The following PNPLA7 variants were observed in gnomAD, a reference collection of about 807,000 sequenced individuals.
The protein encoded by PNPLA7 is patatin like domain 7, lysophospholipase, also known as patatin-like phospholipase domain-containing protein 7.
A neutral mutation model predicts 161.7 loss-of-function variants in PNPLA7; 153 were observed. The ratio of observed to expected loss-of-function variants is 0.95; its 90% CI spans 0.83 to 1.08. PNPLA7 has a LOEUF of 1.08. PNPLA7 is among the 50% of genes least tolerant of loss of function. The pLI is 0.00. For missense variants in PNPLA7, 1,739 were observed against 1,856.6 expected, an observed-to-expected ratio of 0.94 and a Z score of 1.16; for synonymous variants, 809 against 782.1, an observed-to-expected ratio of 1.03 and a Z score of -0.57.
intron 18 of PNPLA7, among the ~76,000 whole-genome samples, chr9:137,496,163 G>A (rs10867091): frequency 0.44 from 65,050 of 146,358 alleles, 15,621 homozygotes; most frequent in East Asian, 0.64. Context: ...TTGAGATAGA[G>A]TTTAGCTCTT....
At chr9:137,502,971 A>T (rs1469936568) in intron 14 of PNPLA7, among the ~76,000 whole-genome samples, 1 of 151,896 alleles carries the variant, frequency 6.6e-6, no homozygotes, top group Admixed American at 6.6e-5. Context: ...TGCAGAGAAA[A>T]CAAGGTGGGC....
chr9:137,460,032 C>G lies in PNPLA7; in HGVS notation c.*361G>C. The G allele has an allele frequency of 4.1e-6, 1 of 246,140 alleles. No individual in the cohort carries two copies. Among genetic ancestry groups the G allele is most frequent in the Non-Finnish European group, 8.3e-6 (1 of 120,978 alleles). The allele number at this position is 246,140 out of a possible 1,614,324, so 15.2% of individuals were successfully genotyped here. A position where few individuals can be genotyped will look rare whatever the true frequency, so the allele number is the denominator to read the frequency against. On this transcript the variant is annotated 3_prime_UTR_variant, in exon 35 of 35. Transcript: ENST00000406427. ...ACCTCACAGGGCAGCAGGCAGTTCA[C>G]AGGACAGCAGGCAGTTCACAGGGCT... is the stretch of plus-strand genomic sequence containing the variant.
Position 137,480,357 on chromosome 9 carries a change from G to T in PNPLA7, c.2535C>A (p.Cys845Ter). The T allele has an allele frequency of 1.2e-6, 2 of 1,613,480 alleles. No individual in the cohort carries two copies. Among genetic ancestry groups the T allele is most frequent in the Non-Finnish European group, 1.7e-6 (2 of 1,179,968 alleles). Reference sequence around the variant, plus strand: ...GGTCACCCAGGCCCACGATGAGGATGCAGTCGGCCTGGCGCACGCAGCGCT... The same window carrying T: ...GGTCACCCAGGCCCACGATGAGGATTCAGTCGGCCTGGCGCACGCAGCGCT... ...WTQRCVRQAD[C>*]ILIVGLGDQE... The change falls in exon 23 of 35, where the codon TGC becomes TGA. Residue 845 changes from cysteine (C) to a stop codon, truncating the protein, a stop_gained. Transcript: ENST00000406427. LOFTEE classifies it high-confidence loss of function.
intron 21 of PNPLA7, among the ~76,000 whole-genome samples, chr9:137,483,486 G>C (rs180759809): frequency 6.6e-6 from 1 of 152,152 alleles, no homozygotes; most frequent in East Asian, 1.9e-4. Flanking sequence ...ATAGAGTCTT[G>C]CTCTGTCACC....
In PNPLA7 at chr9:137,467,208, G is replaced by A; in HGVS notation, c.3039+109C>T. On this transcript the variant is annotated intron_variant, in intron 26 of 34. Transcript: ENST00000406427. The surrounding 1 kb of genome is among the most constrained non-coding windows in gnomAD (Gnocchi z 5.1). ...AGGCTTCAGGGGGTAGCCTCCTCGA[G>A]GGCAGGGCCCTGCAGAGCCACATGC... The A allele has an allele frequency of 1.1e-5, 16 of 1,413,978 alleles. No homozygotes were observed. In the South Asian group the frequency reaches 2.0e-4, roughly 18 times the overall value. 87.6% of individuals were successfully genotyped at this position (1,413,978 alleles called of 1,614,324 possible).
chr9:137,520,028 G>A lies in PNPLA7; in HGVS notation c.973C>T (p.Pro325Ser), dbSNP rs2132473133. Reference sequence around the variant, plus strand: ...GCCACACTGGCTACAGACACGAGAGGGATGGCCTGGCTCTCCTGGGACACA... The same window carrying A: ...GCCACACTGGCTACAGACACGAGAGAGATGGCCTGGCTCTCCTGGGACACA... ...ELFNAESQAI[P>S]LVSVASVAAG... Residue 325 changes from proline (P) to serine (S), a missense_variant, in exon 11 of 35, where the codon CCT becomes TCT. By Grantham distance (74) the Pro-to-Ser change is moderately conservative (BLOSUM62 -1). This residue lies in a region of PNPLA7 where 152 missense variants were observed against 193.5 expected (regional missense o/e 0.79). Coordinates refer to ENST00000406427, the MANE Select transcript of PNPLA7 (RefSeq NM_001098537.3). The surrounding 1 kb of genome is among the most constrained non-coding windows in gnomAD (Gnocchi z 5.2). The A allele has an allele frequency of 6.2e-7, 1 of 1,612,492 alleles. No homozygotes were observed. The highest frequency in any genetic ancestry group is 2.2e-5 in the East Asian group (1 of 44,888).
At position 137,490,773 on chromosome 9, in the gene PNPLA7, T is replaced by C. The variant is rs1409841621; in HGVS notation, c.2197+2240A>G. ...GTGACCCTGGGTGAACATCACAGAC[T>C]ATTCTCCTAAGTTTTAAAAATCATG... On this transcript the variant is annotated intron_variant, in intron 20 of 34. Transcript: ENST00000406427. The surrounding 1 kb of genome is among the most constrained non-coding windows in gnomAD (Gnocchi z 4.1). Among the ~76,000 whole-genome samples, 1 of 152,200 alleles carries C rather than the reference T, an allele frequency of 6.6e-6. No individual in the cohort carries two copies. Among genetic ancestry groups the C allele is most frequent in the East Asian group, 1.9e-4 (1 of 5,200 alleles).
rs915691995 is a variant in PNPLA7, at chr9:137,476,285, G to A, written c.2882+1749C>T. On this transcript the variant is annotated intron_variant, in intron 25 of 34. Coordinates refer to ENST00000406427, the MANE Select transcript of PNPLA7 (RefSeq NM_001098537.3). This position sits in a 1 kb window ranked among gnomAD's most constrained non-coding sequence, Gnocchi z 4.5. ...CAAATGTGACAATTATTAACTCCAA[G>A]GAAGGAACTTCAATCATAGGATAGG... 1.3e-5 allele frequency among the ~76,000 whole-genome samples: 2 copies of A among 152,132 alleles called. No homozygotes were observed. Among genetic ancestry groups the A allele is most frequent in the Non-Finnish European group, 2.9e-5 (2 of 68,018 alleles).
chr9:137,491,567 T>A (rs1050109924), intron 20 of PNPLA7: 12 of 985,114 alleles, frequency 1.2e-5, no homozygotes, highest in African/African-American at 5.2e-5. Context: ...GAGTGAAGAG[T>A]TACATTACGT....
At chr9:137,488,723 C>G (rs932751000) in intron 20 of PNPLA7, among the ~76,000 whole-genome samples, 3 of 133,240 alleles carry the variant, frequency 2.3e-5, no homozygotes, top group African/African-American at 5.5e-5. Context: ...CATCCCCCCC[C>G]AACTGTGCAC....
At position 137,495,025 on chromosome 9, in the gene PNPLA7, A is replaced by G. The variant is rs1832974568; in HGVS notation, c.2127+8T>C. 1.2e-6 allele frequency: 2 copies of G among 1,603,558 alleles called. No individual in the cohort carries two copies. Among genetic ancestry groups the G allele is most frequent in the African/African-American group, 2.7e-5 (2 of 74,768 alleles). On this transcript the variant is annotated splice_region_variant and intron_variant, in intron 19 of 34. Transcript: ENST00000406427. ...TCCGCTCCGCATCCTCACCCACGCC[A>G]TGCTCACCTGTGGGTACCTGCGCTT...
chr9:137,530,445 C>T (rs147306139), intron 8 of PNPLA7, among the ~76,000 whole-genome samples: 1,580 of 152,330 alleles, frequency 0.01, 13 homozygotes, highest in Middle Eastern at 0.024. Context: ...TTGGAGGATT[C>T]CCATCAGGGC....
chr9:137,550,089 C>A (rs921204660), intron 1 of PNPLA7, 79 bp downstream of exon 1: 5 of 1,566,942 alleles, frequency 3.2e-6, no homozygotes, highest in Non-Finnish European at 4.4e-6. Flanking sequence ...GCAGAGCAGA[C>A]GCCAAGAGGA....
intron 14 of PNPLA7, among the ~76,000 whole-genome samples, chr9:137,504,215 T>A (rs867654389): frequency 2.6e-5 from 4 of 151,982 alleles, no homozygotes; most frequent in Middle Eastern, 3.4e-3. Context: ...AAGAGAGATT[T>A]TTTTTTTTCC....
In PNPLA7 at chr9:137,468,178, A is replaced by AGCACCCCCGAGACCAGGGG. The variant is rs1355096778; in HGVS notation, c.2883-724_2883-706dup. Among the ~76,000 whole-genome samples, 1 of 151,608 alleles carries AGCACCCCCGAGACCAGGGG rather than the reference A, an allele frequency of 6.6e-6. No individual in the cohort carries two copies. The highest frequency in any genetic ancestry group is 6.6e-5 in the Admixed American group (1 of 15,238). ...TAGACCAGCACCCATGAGACCAGGG[A>AGCACCCCCGAGACCAGGGG]GCACCCCCGAGACCAGGGGGCACCC... On this transcript the variant is annotated intron_variant, in intron 25 of 34. Transcript: ENST00000406427. This position sits in a 1 kb window ranked among gnomAD's most constrained non-coding sequence, Gnocchi z 4.0.
chr9:137,549,024 TATCCAAGGAA>T (rs1836697891), intron 1 of PNPLA7, among the ~76,000 whole-genome samples: 1 of 152,230 alleles, frequency 6.6e-6, no homozygotes, highest in South Asian at 2.1e-4. Flanking sequence ...TGGGACCGAT[TATCCAAGGAA>T]GGCCTATCAC....
At position 137,488,607 on chromosome 9, in the gene PNPLA7, T is replaced by A. The variant is rs148503068; in HGVS notation, c.2198-3871A>T. The stretch of plus-strand genomic sequence containing the variant: ...GACTCAGGCCAAGAAAGAAGCAGAG[T>A]CTGCTTCCCAGCCACATGGCTGCCA... On this transcript the variant is annotated intron_variant, in intron 20 of 34. Transcript: ENST00000406427. 6.3e-4 allele frequency among the ~76,000 whole-genome samples: 96 copies of A among 152,022 alleles called. 1 individual carries two copies. The East Asian group carries it at 0.018, about 28-fold the overall frequency.
chr9:137,482,264 C>T lies in PNPLA7; in HGVS notation c.2348-1241G>A, dbSNP rs369258825. Among the ~76,000 whole-genome samples the T allele has an allele frequency of 2.0e-5, 3 of 152,350 alleles. No individual in the cohort carries two copies. The East Asian group carries it at 5.8e-4, about 29-fold the overall frequency. On this transcript the variant is annotated intron_variant, in intron 21 of 34. Coordinates refer to ENST00000406427, the MANE Select transcript of PNPLA7 (RefSeq NM_001098537.3). ...ACCCAAAGGAACTGAAAACCTCTGT[C>T]CACACAGAAGCACGCACACAGGTGT...
rs763579948 is a variant in PNPLA7 at position 137,500,583 on chromosome 9, A to C, written c.1757+108T>G. 8.1e-5 allele frequency: 85 copies of C among 1,045,178 alleles called. No homozygotes were observed. Among genetic ancestry groups the C allele is most frequent in the Non-Finnish European group, 1.1e-4 (81 of 717,176 alleles). 64.7% of individuals were successfully genotyped at this position (1,045,178 alleles called of 1,614,324 possible). A position where few individuals can be genotyped will look rare whatever the true frequency, so the allele number is the denominator to read the frequency against. On this transcript the variant is annotated intron_variant, in intron 16 of 34. Coordinates refer to ENST00000406427, the MANE Select transcript of PNPLA7 (RefSeq NM_001098537.3). This position sits in a 1 kb window ranked among gnomAD's most constrained non-coding sequence, Gnocchi z 5.5. ...CCGGGGACAAAGAGGGGAGCCCGAGAAGCAGGGAAGAGGGTGAGAGCACCA... is the reference window on the plus strand; with the variant it reads ...CCGGGGACAAAGAGGGGAGCCCGAGCAGCAGGGAAGAGGGTGAGAGCACCA...
Sources: allele counts gnomAD v4.1 joint callset (sites outside exome capture counted in the v4.1 genomes callset), GRCh38; gene constraint gnomAD v4.1.1; regional missense constraint gnomAD v4.1.1; non-coding constraint Gnocchi (gnomAD v3.1); transcripts MANE v1.5; gene names NCBI Gene and HGNC (gene_info 2026-07-23, HGNC 2026-07-21).